C9orf43: variants seen among roughly 807,000 people sequenced by gnomAD.
C9orf43 encodes chromosome 9 open reading frame 43.
A neutral mutation model predicts 59.1 loss-of-function variants in C9orf43; 45 were observed. The ratio of observed to expected loss-of-function variants is 0.76; its 90% CI spans 0.60 to 0.98. The LOEUF (loss-of-function observed/expected upper bound fraction) is 0.98. C9orf43 is among the 50% of genes least tolerant of loss of function. The pLI is 0.00. For synonymous variants in C9orf43, 203 were observed against 196.8 expected (o/e 1.03, Z -0.26); for missense variants, 533 against 554.9 (o/e 0.96, Z 0.40).
Position 113,419,110 on chromosome 9 carries a change from C to G in C9orf43, c.290C>G (p.Pro97Arg). 6.2e-7 allele frequency: 1 copy of G among 1,608,590 alleles called. No homozygotes were observed. The highest frequency in any genetic ancestry group is 8.5e-7 in the Non-Finnish European group (1 of 1,177,276). The change falls in exon 4 of 14, where the codon CCT (proline) becomes CGT (arginine). Residue 97 changes from proline (P) to arginine (R), a missense_variant and splice_region_variant. Transcript: ENST00000374165. ...TATGTGTGGAACTCATTTTTTAGGCCTCCGAAGGGTTTACCTGACAAAAGT... is the reference window on the plus strand; with the variant it reads ...TATGTGTGGAACTCATTTTTTAGGCGTCCGAAGGGTTTACCTGACAAAAGT... ...SKFYSKFHGR[P>R]PKGLPDKSLI...
chr9:113,418,839 CTG>C (rs1828470163), intron 3 of C9orf43, among the ~76,000 whole-genome samples: 1 of 152,208 alleles, frequency 6.6e-6, no homozygotes, highest in Non-Finnish European at 1.5e-5. Context: ...GGTGATATAA[CTG>C]TCTCTAGCTG....
In C9orf43 at chr9:113,429,111, C is replaced by T; in HGVS notation, c.1172-61C>T. Reference sequence around the variant, plus strand: ...AACACCCCATTTTTCCTTTTCTGTCCTCCATTTGTTGTAGTTGAGAGGAGT... The same window carrying T: ...AACACCCCATTTTTCCTTTTCTGTCTTCCATTTGTTGTAGTTGAGAGGAGT... On this transcript the variant is annotated intron_variant, in intron 13 of 13. Coordinates refer to ENST00000374165, the MANE Select transcript of C9orf43 (RefSeq NM_001278629.2). 2.6e-6 allele frequency: 4 copies of T among 1,564,986 alleles called. No homozygotes were observed. In the South Asian group the frequency reaches 3.4e-5, roughly 13 times the overall value.
At chr9:113,422,283 C>T (rs1025326126) in intron 5 of C9orf43, among the ~76,000 whole-genome samples, 2 of 152,094 alleles carry the variant, frequency 1.3e-5, no homozygotes, top group Non-Finnish European at 2.9e-5. Flanking sequence ...AGTAGGTAAC[C>T]GGATTGCCTG....
intron 11 of C9orf43, among the ~76,000 whole-genome samples, chr9:113,426,879 G>A (rs1423088668): frequency 3.3e-5 from 5 of 152,182 alleles, no homozygotes; most frequent in Admixed American, 3.3e-4. Flanking sequence ...AAGGCTTTAT[G>A]GAAGAGATGA....
Position 113,428,917 on chromosome 9 carries a change from A to G in C9orf43, c.1125A>G (p.Pro375=). 6.2e-7 allele frequency: 1 copy of G among 1,613,920 alleles called. No individual in the cohort carries two copies. The highest frequency in any genetic ancestry group is 2.2e-5 in the East Asian group (1 of 44,890). Residue 375 remains proline (P), a synonymous_variant, in exon 13 of 14, where the codon CCA becomes CCG. Transcript: ENST00000374165. The part of the protein sequence containing the change: ...TTSKQDSTER[P]KMNYYDHADF... Reference sequence around the variant, plus strand: ...AATTTCAGGATTCCACGGAGAGACCAAAGATGAACTACTATGACCATGCGG... The same window carrying G: ...AATTTCAGGATTCCACGGAGAGACCGAAGATGAACTACTATGACCATGCGG...
At chr9:113,424,580 T>A (rs1828715310) in intron 8 of C9orf43, among the ~76,000 whole-genome samples, 2 of 151,516 alleles carry the variant, frequency 1.3e-5, no homozygotes, top group African/African-American at 4.9e-5. Flanking sequence ...CAGGGTGTAG[T>A]GCAGTGGTTG....
chr9:113,428,230 G>A lies in C9orf43; in HGVS notation c.1107+7G>A. The A allele has an allele frequency of 6.2e-7, 1 of 1,613,588 alleles. No individual in the cohort carries two copies. Among genetic ancestry groups the A allele is most frequent in the Non-Finnish European group, 8.5e-7 (1 of 1,179,466 alleles). On this transcript the variant is annotated splice_region_variant and intron_variant, in intron 12 of 13. Transcript: ENST00000374165. ...AGGAACCACTTCGAAACAGGTGAGAGTGTACCAAGGCCTCTGCTAGGACCC... is the reference window on the plus strand; with the variant it reads ...AGGAACCACTTCGAAACAGGTGAGAATGTACCAAGGCCTCTGCTAGGACCC...
intron 11 of C9orf43, among the ~76,000 whole-genome samples, chr9:113,427,193 G>A (rs1368204363): frequency 6.6e-6 from 1 of 152,106 alleles, no homozygotes; most frequent in African/African-American, 2.4e-5. Context: ...ATTTGAGACG[G>A]AGTTTCGCTC....
intron 3 of C9orf43, among the ~76,000 whole-genome samples, chr9:113,416,688 T>G (rs989040810): frequency 2.0e-5 from 3 of 152,204 alleles, no homozygotes; most frequent in Non-Finnish European, 2.9e-5. Context: ...CTAGGTTTTT[T>G]TTTTTGTTCT....
chr9:113,427,908 C>G (rs550758516), intron 11 of C9orf43, among the ~76,000 whole-genome samples: 3 of 152,272 alleles, frequency 2.0e-5, no homozygotes, highest in African/African-American at 7.2e-5. Flanking sequence ...TGGAGGAATC[C>G]TGGGTCTTTT....
chr9:113,419,893 A>C (rs1013579929), intron 4 of C9orf43, among the ~76,000 whole-genome samples: 31 of 152,152 alleles, frequency 2.0e-4, no homozygotes, highest in Admixed American at 1.0e-3. Flanking sequence ...AACTATGGTA[A>C]AGAGAGATTT....
chr9:113,422,468 C>G, intron 5 of C9orf43, 81 bp from the exon 6 acceptor site: 3 of 1,558,848 alleles, frequency 1.9e-6, no homozygotes, highest in Non-Finnish European at 1.7e-6. Context: ...TTTAAGATAT[C>G]TGGGAATAAG....
chr9:113,417,560 C>A (rs1828412600), intron 3 of C9orf43, among the ~76,000 whole-genome samples: 1 of 152,188 alleles, frequency 6.6e-6, no homozygotes, highest in Admixed American at 6.5e-5. Flanking sequence ...AGAGGACCGC[C>A]CCCTGGTGTG....
intron 3 of C9orf43, among the ~76,000 whole-genome samples, chr9:113,414,941 C>T (rs905300517): frequency 1.3e-5 from 2 of 152,178 alleles, no homozygotes; most frequent in African/African-American, 4.8e-5. Context: ...AAGCAATTCT[C>T]ATGCCTCAGC....
intron 11 of C9orf43, among the ~76,000 whole-genome samples, chr9:113,426,918 G>C (rs1299944896): frequency 6.6e-6 from 1 of 152,142 alleles, no homozygotes; most frequent in Non-Finnish European, 1.5e-5. Context: ...AGTATGTGTG[G>C]GAGTTTTCCT....
chr9:113,428,862 T>C, intron 12 of C9orf43, 38 bp from the exon 13 acceptor site: 1 of 1,554,368 alleles, frequency 6.4e-7, no homozygotes, highest in African/African-American at 1.4e-5. Flanking sequence ...TTTCCTAAAG[T>C]CTTGATTCAA....
At chr9:113,421,011 T>C in intron 4 of C9orf43, 92 bp from the exon 5 acceptor site, 1 of 1,067,484 alleles carries the variant, frequency 9.4e-7, no homozygotes, top group Non-Finnish European at 1.4e-6. Context: ...AATCATCTTC[T>C]GTGCCACCAG....
chr9:113,427,991 T>C (rs1051065461), intron 11 of C9orf43, among the ~76,000 whole-genome samples, 156 bp from the exon 12 acceptor site: 3 of 152,224 alleles, frequency 2.0e-5, no homozygotes, highest in African/African-American at 4.8e-5. Context: ...GAATCTCAAG[T>C]AGAACTCAGA....
At chr9:113,426,561 G>T (rs1473118161) in intron 11 of C9orf43, among the ~76,000 whole-genome samples, 1 of 152,194 alleles carries the variant, frequency 6.6e-6, no homozygotes, top group Non-Finnish European at 1.5e-5. Flanking sequence ...GAAGGATGTT[G>T]CCCTCTTGCT....
Sources: allele counts gnomAD v4.1 joint callset (sites outside exome capture counted in the v4.1 genomes callset), GRCh38; gene constraint gnomAD v4.1.1; transcripts MANE v1.5; gene names NCBI Gene and HGNC (gene_info 2026-07-23, HGNC 2026-07-21).